The following TM9SF3 variants were observed in gnomAD, a reference collection of about 807,000 sequenced individuals.
TM9SF3 encodes transmembrane 9 superfamily member 3.
A neutral mutation model predicts 78.6 loss-of-function variants in TM9SF3; 14 were observed. That is an observed-to-expected ratio of 0.18 (90% confidence interval 0.12 to 0.28). TM9SF3 has a LOEUF of 0.28. TM9SF3 is among the 10% of genes least tolerant of loss of function. The pLI is 1.00. For synonymous variants in TM9SF3, 231 were observed against 241.7 expected (o/e 0.96, Z 0.41); for missense variants, 496 against 721.9 (o/e 0.69, Z 3.59).
chr10:96,536,188 T>A (rs10882814), intron 9 of TM9SF3, among the ~76,000 whole-genome samples: 150,952 of 152,140 alleles, frequency 0.99, 74,896 homozygotes, highest in Middle Eastern at 1. Flanking sequence ...CATCTACAAA[T>A]AAAATAGCTA....
intron 11 of TM9SF3, 124 bp downstream of exon 11, chr10:96,530,415 TG>T: frequency 1.3e-6 from 1 of 745,130 alleles, no homozygotes; most frequent in Non-Finnish European, 2.2e-6. Flanking sequence ...ATTCCCTTTC[TG>T]GAATCATGGA....
chr10:96,570,348 G>A (rs959479109), intron 2 of TM9SF3, among the ~76,000 whole-genome samples: 1 of 151,948 alleles, frequency 6.6e-6, no homozygotes, highest in African/African-American at 2.4e-5. Flanking sequence ...AAATGTTAAT[G>A]GTAATTATAT....
rs1848167270 is a variant in TM9SF3, at chr10:96,551,338, A to G, written c.866T>C (p.Leu289Pro). The G allele has an allele frequency of 4.3e-6, 7 of 1,613,004 alleles. No individual in the cohort carries two copies. Among genetic ancestry groups the G allele is most frequent in the Non-Finnish European group, 5.9e-6 (7 of 1,179,502 alleles). The change falls in exon 7 of 15, where the codon CTG becomes CCG. Residue 289 changes from leucine (L) to proline (P), a missense_variant. This residue lies in a region of TM9SF3 where 280 missense variants were observed against 422.6 expected (regional missense o/e 0.66). Transcript: ENST00000371142. ...GDVFRPSSHPLIFSSLIGSGC... is the reference protein window; with the variant it reads ...GDVFRPSSHPPIFSSLIGSGC... ...AGAACCAATCAGAGAGGAAAATATCAGTGGGTGACTTGATGGTCTAAATAC... is the reference window on the plus strand; with the variant it reads ...AGAACCAATCAGAGAGGAAAATATCGGTGGGTGACTTGATGGTCTAAATAC...
At chr10:96,578,668 A>C (rs1848525047) in intron 1 of TM9SF3, among the ~76,000 whole-genome samples, 1 of 152,224 alleles carries the variant, frequency 6.6e-6, no homozygotes, top group Non-Finnish European at 1.5e-5. Flanking sequence ...TGGGCCACAC[A>C]ATACTAATCA....
At chr10:96,543,924 C>A in intron 9 of TM9SF3, 152 bp downstream of exon 9, 1 of 657,896 alleles carries the variant, frequency 1.5e-6, no homozygotes, top group Non-Finnish European at 2.2e-6. Context: ...AGGCTAACAA[C>A]AGTAGTATTC....
intron 11 of TM9SF3, among the ~76,000 whole-genome samples, chr10:96,528,749 C>T (rs1206253906): frequency 6.6e-6 from 1 of 152,090 alleles, no homozygotes; most frequent in Non-Finnish European, 1.5e-5. Context: ...GAGCCTTTCA[C>T]CCTCTTTTTC....
chr10:96,522,784 T>C (rs1268495656), intron 14 of TM9SF3, among the ~76,000 whole-genome samples: 2 of 151,914 alleles, frequency 1.3e-5, no homozygotes, highest in African/African-American at 2.4e-5. Flanking sequence ...CAGGGAACCA[T>C]GTCCCAATAG....
chr10:96,576,867 A>C (rs546862981), intron 1 of TM9SF3, 38 bp from the exon 2 acceptor site: 46 of 1,434,488 alleles, frequency 3.2e-5, no homozygotes, highest in Middle Eastern at 3.7e-4. Flanking sequence ...AAAAAAAAAA[A>C]ACACACTAAT....
chr10:96,586,465 A>C (rs1324257), intron 1 of TM9SF3, among the ~76,000 whole-genome samples: 151,118 of 152,132 alleles, frequency 0.99, 75,064 homozygotes, highest in Middle Eastern at 1. Flanking sequence ...GGTCCCAGGA[A>C]CCCCGAGACC....
intron 12 of TM9SF3, 56 bp downstream of exon 12, chr10:96,527,975 A>G: frequency 6.5e-7 from 1 of 1,546,190 alleles, no homozygotes; most frequent in Non-Finnish European, 8.8e-7. Flanking sequence ...TTCAAAGGAA[A>G]TCTTATTTTA....
chr10:96,567,312 T>C (rs1848387810), intron 2 of TM9SF3, among the ~76,000 whole-genome samples: 1 of 152,112 alleles, frequency 6.6e-6, no homozygotes, highest in South Asian at 2.1e-4. Context: ...CTTGAACTCC[T>C]GATCTCAGGT....
intron 3 of TM9SF3, 97 bp from the exon 4 acceptor site, chr10:96,562,235 T>TA: frequency 1.0e-6 from 1 of 974,006 alleles, no homozygotes. Flanking sequence ...TTTTTTTTTT[T>TA]TACCTCCGCC....
chr10:96,582,900 G>A (rs542388584), intron 1 of TM9SF3, among the ~76,000 whole-genome samples: 1 of 151,998 alleles, frequency 6.6e-6, no homozygotes, highest in South Asian at 2.1e-4. Flanking sequence ...CCAACATGGA[G>A]AAACCCTGTC....
At position 96,546,342 on chromosome 10, in the gene TM9SF3, C is replaced by CT. The variant is rs146458326; in HGVS notation, c.1054+1552dup. On this transcript the variant is annotated intron_variant, in intron 8 of 14. Coordinates refer to ENST00000371142, the MANE Select transcript of TM9SF3 (RefSeq NM_020123.4). ...ATATTCCTAGACCTGAGCCTGAACTCTGTCAGCTTTCAAGAATAAGTGTAG... is the reference window on the plus strand; with the variant it reads ...ATATTCCTAGACCTGAGCCTGAACTCTTGTCAGCTTTCAAGAATAAGTGTAG... 5.2e-3 allele frequency among the ~76,000 whole-genome samples: 799 copies of CT among 152,316 alleles called. 9 individuals are homozygous for CT. Among genetic ancestry groups the CT allele is most frequent in the African/African-American group, 0.018 (765 of 41,552 alleles).
At chr10:96,553,167 A>T in intron 5 of TM9SF3, 108 bp from the exon 6 acceptor site, 1 of 1,216,638 alleles carries the variant, frequency 8.2e-7, no homozygotes, top group Non-Finnish European at 1.1e-6. Context: ...AAAAGTCTTT[A>T]ATTAAATCCT....
chr10:96,570,734 A>G (rs936934601), intron 2 of TM9SF3, among the ~76,000 whole-genome samples: 2 of 147,730 alleles, frequency 1.4e-5, no homozygotes, highest in African/African-American at 5.0e-5. Flanking sequence ...AAGAGAAGAG[A>G]CAACGGTGGG....
rs1231095248 is a variant in TM9SF3 at position 96,565,411 on chromosome 10, G to T, written c.314C>A (p.Ala105Asp). 1.3e-6 allele frequency: 2 copies of T among 1,550,706 alleles called. No homozygotes were observed. Among genetic ancestry groups the T allele is most frequent in the Non-Finnish European group, 1.7e-6 (2 of 1,158,636 alleles). Residue 105 changes from alanine to aspartate, a missense_variant, in exon 3 of 15, where the codon GCC becomes GAC. By Grantham distance (126) the Ala-to-Asp change is moderately radical. Transcript: ENST00000371142. The part of the protein sequence containing the change: ...DIKFKDDVMP[A>D]TYCEIDLDKE... ...ATCTAAATCAATTTCACAGTAAGTG[G>T]CTGGCATCACATCATCTGCACAAAA...
chr10:96,582,099 T>C lies in TM9SF3; in HGVS notation c.102+4635A>G, dbSNP rs192877873. 1.2e-3 allele frequency among the ~76,000 whole-genome samples: 184 copies of C among 150,184 alleles called. 1 individual carries two copies. Among genetic ancestry groups the C allele is most frequent in the African/African-American group, 4.1e-3 (168 of 40,868 alleles). On this transcript the variant is annotated intron_variant, in intron 1 of 14. Transcript: ENST00000371142. ...GTGCCAAGCACAGTGCTTGCGTATA[T>C]AACAGACCAAAAAAAAAAAAATCTG...
intron 8 of TM9SF3, among the ~76,000 whole-genome samples, chr10:96,547,432 T>C (rs1185626690): frequency 6.6e-6 from 1 of 152,170 alleles, no homozygotes; most frequent in Non-Finnish European, 1.5e-5. Context: ...TAATTATTCA[T>C]AATTTTAGGA....
Sources: gnomAD v4.1 joint callset for allele counts (sites outside exome capture counted in the v4.1 genomes callset) on GRCh38, gnomAD v4.1.1 for gene constraint, gnomAD v4.1.1 regional missense constraint, MANE v1.5 for transcripts, NCBI Gene and HGNC (gene_info 2026-07-23, HGNC 2026-07-21) for gene names.